Variants in MYO9A observed in about 807,000 individuals in gnomAD.
MYO9A encodes unconventional myosin-IXa.
In MYO9A, 103 loss-of-function variants were observed where a neutral mutation model predicts 293.3. The ratio of observed to expected loss-of-function variants is 0.35; its 90% CI spans 0.30 to 0.41. The LOEUF (loss-of-function observed/expected upper bound fraction) is 0.41. MYO9A is among the 10% of genes least tolerant of loss of function. The pLI is 1.00. For missense variants in MYO9A, 2,685 were observed against 3,033.0 expected (o/e 0.89, Z 2.69); for synonymous variants, 1,001 against 1,035.7 (o/e 0.97, Z 0.64).
chr15:72,054,340 T>C (rs1371839219), intron 1 of MYO9A, among the ~76,000 whole-genome samples: 1 of 152,148 alleles, frequency 6.6e-6, no homozygotes, highest in Non-Finnish European at 1.5e-5. Flanking sequence ...GAGTGGCAAG[T>C]AAGTAGCTAG....
intron 10 of MYO9A, among the ~76,000 whole-genome samples, 193 bp downstream of exon 10, chr15:71,994,276 G>C (rs1450991706): frequency 6.6e-6 from 1 of 151,832 alleles, no homozygotes; most frequent in African/African-American, 2.4e-5. Context: ...ACGTTCGGGA[G>C]GTAAAAACAC....
chr15:71,998,565 C>CTTTTTTTTTT (rs11443228), intron 9 of MYO9A, among the ~76,000 whole-genome samples: 27 of 139,966 alleles, frequency 1.9e-4, no homozygotes, highest in Non-Finnish European at 3.1e-4. Context: ...TTTTTTTTGT[C>CTTTTTTTTTT]TTTTTTTTTC....
At chr15:71,870,128 T>C (rs536444960) in intron 32 of MYO9A, among the ~76,000 whole-genome samples, 1 of 152,266 alleles carries the variant, frequency 6.6e-6, no homozygotes, top group East Asian at 1.9e-4. Context: ...TCCTTTTTTC[T>C]GTCCTGCAAG....
intron 15 of MYO9A, among the ~76,000 whole-genome samples, chr15:71,941,788 G>A (rs1009079005): frequency 2.0e-5 from 3 of 152,098 alleles, no homozygotes; most frequent in Non-Finnish European, 4.4e-5. Flanking sequence ...CACGACATAT[G>A]AAGGAATGAC....
chr15:71,957,994 C>T (rs2059242953), intron 14 of MYO9A, among the ~76,000 whole-genome samples: 1 of 152,088 alleles, frequency 6.6e-6, no homozygotes, highest in African/African-American at 2.4e-5. Flanking sequence ...CTGTATAATT[C>T]CCAGTCAGGG....
Position 71,999,914 on chromosome 15 carries a change from T to C in MYO9A, c.1407A>G (p.Ala469=). 1 of 1,612,568 alleles carries C rather than the reference T, an allele frequency of 6.2e-7. No homozygotes were observed. The change falls in exon 9 of 42, where the codon GCA becomes GCG. Residue 469 remains alanine, a synonymous_variant. Coordinates refer to ENST00000356056, the MANE Select transcript of MYO9A (RefSeq NM_006901.4). ...LEVKEEMLFE[A]LVTRKTVTVG... is the part of the protein sequence containing the mutation. ...CTGTCACCGTCTTCCTTGTAACTAA[T>C]GCTTCAAATAGCATCTCTTCTTTAA...
At chr15:72,110,750 G>GA (rs926964550) in intron 1 of MYO9A, among the ~76,000 whole-genome samples, 5 of 152,060 alleles carry the variant, frequency 3.3e-5, no homozygotes, top group Admixed American at 6.6e-5. Context: ...TATTTTAACT[G>GA]AAAAAAATCA....
At chr15:71,879,695 A>G (rs776724700) in intron 30 of MYO9A, 26 bp downstream of exon 30, 13 of 1,516,402 alleles carry the variant, frequency 8.6e-6, no homozygotes, top group East Asian at 2.3e-5. Context: ...GAACTACTAA[A>G]TATCTCCTAA....
At chr15:72,051,915 C>T (rs941136621) in intron 1 of MYO9A, among the ~76,000 whole-genome samples, 1 of 152,218 alleles carries the variant, frequency 6.6e-6, no homozygotes, top group Non-Finnish European at 1.5e-5. Context: ...CCAGGGAAGG[C>T]CTGAAGCCTG....
intron 1 of MYO9A, among the ~76,000 whole-genome samples, chr15:72,051,636 G>A (rs1255457842): frequency 6.6e-6 from 1 of 152,200 alleles, no homozygotes; most frequent in Non-Finnish European, 1.5e-5. Flanking sequence ...CTCAGAGAAA[G>A]GTTGGGTCCG....
At chr15:71,997,507 G>A (rs1232677692) in intron 9 of MYO9A, among the ~76,000 whole-genome samples, 1 of 152,020 alleles carries the variant, frequency 6.6e-6, no homozygotes, top group Non-Finnish European at 1.5e-5. Context: ...GGCTGAAGCA[G>A]GAGAATCACT....
chr15:71,887,002 C>G (rs2057041250), intron 27 of MYO9A, among the ~76,000 whole-genome samples: 1 of 151,804 alleles, frequency 6.6e-6, no homozygotes, highest in African/African-American at 2.4e-5. Flanking sequence ...TCTGCGAGGC[C>G]CAAATGCTTA....
chr15:71,985,786 G>GT (rs765978111), intron 11 of MYO9A, among the ~76,000 whole-genome samples: 20 of 152,124 alleles, frequency 1.3e-4, no homozygotes, highest in Non-Finnish European at 2.2e-4. Context: ...TGTTGTTGAA[G>GT]TTTTTTGGTT....
At chr15:72,068,162 T>C (rs2079076528) in intron 1 of MYO9A, among the ~76,000 whole-genome samples, 1 of 152,218 alleles carries the variant, frequency 6.6e-6, no homozygotes, top group African/African-American at 2.4e-5. Flanking sequence ...TTCCAACAGC[T>C]TTCTCACTAG....
intron 32 of MYO9A, among the ~76,000 whole-genome samples, chr15:71,873,418 G>C (rs957196624): frequency 6.6e-6 from 1 of 151,978 alleles, no homozygotes; most frequent in Non-Finnish European, 1.5e-5. Context: ...CTGTGAAAAA[G>C]TGTGATTGAT....
At chr15:72,000,978 C>A (rs1030434703) in intron 8 of MYO9A, among the ~76,000 whole-genome samples, 2 of 152,126 alleles carry the variant, frequency 1.3e-5, no homozygotes, top group Non-Finnish European at 2.9e-5. Flanking sequence ...CTGTGAAGAA[C>A]AAACCTAAAA....
At chr15:71,899,576 C>A (rs985235331) in intron 24 of MYO9A, 111 bp downstream of exon 24, 16 of 969,378 alleles carry the variant, frequency 1.7e-5, no homozygotes, top group Non-Finnish European at 2.1e-5. Flanking sequence ...GTGGAAAAGA[C>A]AAATTGTATA....
At chr15:72,077,652 C>A (rs566790332) in intron 1 of MYO9A, among the ~76,000 whole-genome samples, 1 of 144,730 alleles carries the variant, frequency 6.9e-6, no homozygotes, top group Non-Finnish European at 1.5e-5. Context: ...TGGCGGGGGG[C>A]GGCGCGGGCA....
intron 13 of MYO9A, among the ~76,000 whole-genome samples, chr15:71,961,662 C>T (rs754884120): frequency 9.2e-5 from 14 of 152,122 alleles, no homozygotes; most frequent in Non-Finnish European, 1.8e-4. Flanking sequence ...TCACTCATAA[C>T]CAAATGGATG....
Sources: gnomAD v4.1 joint callset for allele counts (sites outside exome capture counted in the v4.1 genomes callset) on GRCh38, gnomAD v4.1.1 for gene constraint, MANE v1.5 for transcripts, NCBI Gene and HGNC (gene_info 2026-07-23, HGNC 2026-07-21) for gene names.